MECOM: variants seen among roughly 807,000 people sequenced by gnomAD.
MECOM encodes the protein histone-lysine N-methyltransferase MECOM.
MECOM carries 13 observed loss-of-function variants against 116.3 expected under a neutral mutation model. The ratio of observed to expected loss-of-function variants is 0.11; its 90% confidence interval spans 0.07 to 0.18. The LOEUF (loss-of-function observed/expected upper bound fraction) is 0.18. Ranked by LOEUF, MECOM falls within the 10% of genes least tolerant of loss-of-function variation. The probability of loss-of-function intolerance (pLI) is 1.00; values close to 1 mark genes in which losing one functional copy is unlikely to be tolerated. For synonymous variants in MECOM, 528 were observed against 535.2 expected (o/e 0.99, Z 0.19); for missense variants, 1,299 against 1,509.0 (o/e 0.86, Z 2.31).
intron 8 of MECOM, among the ~76,000 whole-genome samples, chr3:169,114,365 C>T (rs1728432372): frequency 2.0e-5 from 3 of 152,086 alleles, no homozygotes; most frequent in Non-Finnish European, 4.4e-5. Context: ...GACAGTGTTT[C>T]CTTGTTAACG....
At chr3:169,097,833 A>AC (rs1722180789) in intron 12 of MECOM, among the ~76,000 whole-genome samples, 1 of 149,006 alleles carries the variant, frequency 6.7e-6, no homozygotes, top group Non-Finnish European at 1.5e-5. Flanking sequence ...AAAAAAAAAA[A>AC]AAAAAAAGGT....
chr3:169,170,339 G>A (rs1220028614), intron 2 of MECOM, among the ~76,000 whole-genome samples: 11 of 150,092 alleles, frequency 7.3e-5, no homozygotes, highest in African/African-American at 2.5e-4. Flanking sequence ...CCCGGGAGGC[G>A]GAGGTTGCAG....
intron 2 of MECOM, among the ~76,000 whole-genome samples, chr3:169,159,595 C>T (rs1742538946): frequency 6.6e-6 from 1 of 151,942 alleles, no homozygotes; most frequent in Non-Finnish European, 1.5e-5. Context: ...AATGGGACTT[C>T]TAAGAAGTTA....
At chr3:169,332,293 C>T (rs1254181975) in intron 2 of MECOM, among the ~76,000 whole-genome samples, 1 of 152,062 alleles carries the variant, frequency 6.6e-6, no homozygotes, top group Non-Finnish European at 1.5e-5. Flanking sequence ...AGTCCTTGCC[C>T]TTCGAAGGCT....
intron 7 of MECOM, among the ~76,000 whole-genome samples, chr3:169,118,794 C>T (rs555779042): frequency 1.3e-4 from 20 of 152,080 alleles, no homozygotes; most frequent in African/African-American, 4.6e-4. Context: ...TGGTGGCACC[C>T]GTTGTTACAT....
At chr3:169,122,416 A>G (rs1731332600) in intron 6 of MECOM, among the ~76,000 whole-genome samples, 164 bp downstream of exon 6, 1 of 152,172 alleles carries the variant, frequency 6.6e-6, no homozygotes, top group Non-Finnish European at 1.5e-5. Context: ...AAGTGTTTTT[A>G]TACACTCTAC....
chr3:169,598,037 C>T (rs1767345962), intron 1 of MECOM, among the ~76,000 whole-genome samples: 1 of 152,098 alleles, frequency 6.6e-6, no homozygotes, highest in Non-Finnish European at 1.5e-5. Context: ...TACAGGAAAC[C>T]ATAATAAATA....
At chr3:169,227,177 GC>G (rs1284967720) in intron 2 of MECOM, among the ~76,000 whole-genome samples, 1 of 152,016 alleles carries the variant, frequency 6.6e-6, no homozygotes, top group East Asian at 1.9e-4. Flanking sequence ...ATTAGCAAGA[GC>G]TCACTAATGG....
At chr3:169,627,803 C>T (rs1771560949) in intron 1 of MECOM, among the ~76,000 whole-genome samples, 1 of 152,056 alleles carries the variant, frequency 6.6e-6, no homozygotes, top group African/African-American at 2.4e-5. Context: ...TGGCCTTTAC[C>T]ATAAAGCACG....
chr3:169,433,068 A>G (rs766836461), intron 1 of MECOM, among the ~76,000 whole-genome samples: 8 of 152,240 alleles, frequency 5.3e-5, no homozygotes, highest in Non-Finnish European at 1.2e-4. Flanking sequence ...ATCAAGGGTA[A>G]GATATAAAAG....
intron 2 of MECOM, among the ~76,000 whole-genome samples, chr3:169,250,108 T>A (rs1343827083): frequency 1.3e-5 from 2 of 152,134 alleles, no homozygotes; most frequent in Non-Finnish European, 2.9e-5. Flanking sequence ...TGAAGCCCAC[T>A]CCCTTGGGTC....
At chr3:169,114,114 G>A (rs1728330801) in intron 8 of MECOM, among the ~76,000 whole-genome samples, 3 of 152,120 alleles carry the variant, frequency 2.0e-5, no homozygotes, top group South Asian at 4.1e-4. Flanking sequence ...ACAAAGGACT[G>A]AGACACATCA....
At chr3:169,204,980 C>T (rs1749704734) in intron 2 of MECOM, among the ~76,000 whole-genome samples, 2 of 152,170 alleles carry the variant, frequency 1.3e-5, no homozygotes, top group South Asian at 4.1e-4. Context: ...AAAACCAAGG[C>T]TCAACTTGCT....
At chr3:169,229,564 G>A (rs1243529797) in intron 2 of MECOM, among the ~76,000 whole-genome samples, 1 of 152,092 alleles carries the variant, frequency 6.6e-6, no homozygotes, top group Non-Finnish European at 1.5e-5. Context: ...GAGGCCCATT[G>A]AGCTGAATGA....
chr3:169,233,707 C>A (rs1482174376), intron 2 of MECOM, among the ~76,000 whole-genome samples: 1 of 151,860 alleles, frequency 6.6e-6, no homozygotes. Flanking sequence ...GATGACATCC[C>A]AAAAAAGAAC....
intron 2 of MECOM, among the ~76,000 whole-genome samples, chr3:169,159,391 C>T (rs745982471): frequency 6.6e-6 from 1 of 151,994 alleles, no homozygotes; most frequent in Non-Finnish European, 1.5e-5. Flanking sequence ...AACCCTGTCT[C>T]TACTAAAAAT....
chr3:169,163,821 A>T lies in MECOM; in HGVS notation c.376-19989T>A, dbSNP rs114350649. On this transcript the variant is annotated intron_variant, in intron 2 of 16. Transcript: ENST00000651503. ...GTCACTCCGAGCCAACCACTGACTG[A>T]CAGGGACTCTTAGGACCCCTAATCT... 8.2e-3 allele frequency among the ~76,000 whole-genome samples: 1,254 copies of T among 152,276 alleles called. 8 individuals are homozygous for T. Among genetic ancestry groups the T allele is most frequent in the South Asian group, 0.021 (101 of 4,820 alleles).
intron 1 of MECOM, among the ~76,000 whole-genome samples, chr3:169,585,413 T>C (rs555434349): frequency 6.6e-6 from 1 of 152,302 alleles, no homozygotes; most frequent in African/African-American, 2.4e-5. Flanking sequence ...AAATAAAAGT[T>C]TGTGGAAGTT....
intron 1 of MECOM, among the ~76,000 whole-genome samples, chr3:169,554,112 G>A (rs921074310): frequency 6.6e-5 from 10 of 152,092 alleles, no homozygotes; most frequent in African/African-American, 2.4e-4. Context: ...GCCACTTCCT[G>A]GCCAGCTCCA....
Sources: gnomAD v4.1 joint callset for allele counts (sites outside exome capture counted in the v4.1 genomes callset) on GRCh38, gnomAD v4.1.1 for gene constraint, MANE v1.5 for transcripts, NCBI Gene and HGNC (gene_info 2026-07-23, HGNC 2026-07-21) for gene names.